The following RANBP3L variants were observed in gnomAD, a reference collection of about 807,000 sequenced individuals.
RANBP3L encodes RAN binding protein 3 like.
Under a neutral mutation model 67.2 loss-of-function variants are expected in RANBP3L, and 56 were observed. The observed-to-expected ratio is 0.83, with a 90% confidence interval of 0.67 to 1.04. RANBP3L has a LOEUF of 1.04. Ranked by LOEUF, RANBP3L falls within the 50% of genes least tolerant of loss-of-function variation. RANBP3L has a pLI of 0.00. For missense variants in RANBP3L, 496 were observed against 535.5 expected (o/e 0.93, Z 0.73); for synonymous variants, 164 against 181.4 (o/e 0.90, Z 0.77).
chr5:36,259,404 A>T lies in RANBP3L; in HGVS notation c.669+1376T>A, dbSNP rs374290948. ...TTGAGGCCAGCCTGGCAACATGGTG[A>T]AACCCCGTCTCTACCAAAAATACAA... is the stretch of plus-strand genomic sequence containing the variant. On this transcript the variant is annotated intron_variant, in intron 8 of 13. Coordinates refer to ENST00000296604, the MANE Select transcript of RANBP3L (RefSeq NM_145000.5). Among the ~76,000 whole-genome samples, 66 of 152,224 alleles carry T rather than the reference A, an allele frequency of 4.3e-4. 1 individual carries two copies. In the East Asian group the frequency reaches 0.013, roughly 29 times the overall value.
chr5:36,271,412 C>G lies in RANBP3L; in HGVS notation c.92-101G>C, dbSNP rs1034035325. The G allele has an allele frequency of 1.2e-5, 9 of 765,102 alleles. 1 individual carries two copies. The highest frequency in any genetic ancestry group is 1.8e-5 in the African/African-American group (1 of 56,520). 47.4% of individuals were successfully genotyped at this position (765,102 alleles called of 1,614,324 possible). A position where few individuals can be genotyped will look rare whatever the true frequency, so the allele number is the denominator to read the frequency against. ...GACTTTTTTTTTTGTTTTTTGTTTT[C>G]TCTGCATTTGGGTAAAAGCCAAGCT... is the stretch of plus-strand genomic sequence containing the variant. On this transcript the variant is annotated intron_variant, in intron 1 of 13. Transcript: ENST00000296604.
intron 8 of RANBP3L, among the ~76,000 whole-genome samples, chr5:36,258,238 A>T (rs1020124809): frequency 6.6e-6 from 1 of 152,208 alleles, no homozygotes; most frequent in South Asian, 2.1e-4. Context: ...GCACAAAAAA[A>T]GACTAATTGA....
At position 36,277,733 on chromosome 5, in the gene RANBP3L, G is replaced by C. The variant is rs74293507; in HGVS notation, c.92-6422C>G. ...TAAAAGTTAGATTCACTTCCCTCCT[G>C]CTCTGCTGTCCTGTGTGATATGCAC... On this transcript the variant is annotated intron_variant, in intron 1 of 13. Coordinates refer to ENST00000296604, the MANE Select transcript of RANBP3L (RefSeq NM_145000.5). 0.012 allele frequency among the ~76,000 whole-genome samples: 1,846 copies of C among 152,122 alleles called. 159 individuals carry two copies. The East Asian group carries it at 0.23, about 19-fold the overall frequency.
Position 36,249,610 on chromosome 5 carries a change from G to A in RANBP3L, c.*44C>T, listed in dbSNP as rs1455607510. ...AGGGTGGTTTAGTATTTTCAGTAGG[G>A]TGACCCCTCTTTTTGTAGATGTCAT... On this transcript the variant is annotated 3_prime_UTR_variant, in exon 14 of 14. Coordinates refer to ENST00000296604, the MANE Select transcript of RANBP3L (RefSeq NM_145000.5). The A allele has an allele frequency of 1.8e-6, 2 of 1,109,172 alleles. No homozygotes were observed. Among genetic ancestry groups the A allele is most frequent in the Non-Finnish European group, 1.3e-6 (1 of 762,156 alleles). The allele number at this position is 1,109,172 out of a possible 1,614,324, so 68.7% of individuals were successfully genotyped here.
chr5:36,279,269 A>G (rs570690976), intron 1 of RANBP3L, among the ~76,000 whole-genome samples: 9 of 152,326 alleles, frequency 5.9e-5, no homozygotes, highest in Admixed American at 5.9e-4. Context: ...ATGTGTGCCA[A>G]TTCACAAAGG....
chr5:36,287,628 T>C (rs1194992010), intron 1 of RANBP3L, among the ~76,000 whole-genome samples: 2 of 152,148 alleles, frequency 1.3e-5, no homozygotes, highest in African/African-American at 2.4e-5. Flanking sequence ...TAAAGGATGT[T>C]CAATAATGAA....
rs1748404924 is a variant in RANBP3L at position 36,248,523 on chromosome 5, A to G, written c.*1131T>C. 6.6e-6 allele frequency: 1 copy of G among 152,192 alleles called. No homozygotes were observed. The allele number at this position is 152,192 out of a possible 1,614,324, so 9.4% of individuals were successfully genotyped here. A position where few individuals can be genotyped will look rare whatever the true frequency, so the allele number is the denominator to read the frequency against. ...AACTTTTGAAAATGTGTGTTTGCAT[A>G]TCCAAATGAATATTGTTCTTCGAAG... On this transcript the variant is annotated 3_prime_UTR_variant, in exon 14 of 14. Transcript: ENST00000296604.
intron 1 of RANBP3L, among the ~76,000 whole-genome samples, chr5:36,291,571 C>T (rs1751774738): frequency 6.6e-6 from 1 of 151,866 alleles, no homozygotes; most frequent in South Asian, 2.1e-4. Context: ...CACAACAGTC[C>T]CCAGAGTGTG....
chr5:36,300,928 A>C (rs1392270221), intron 1 of RANBP3L, among the ~76,000 whole-genome samples: 2 of 152,208 alleles, frequency 1.3e-5, no homozygotes, highest in African/African-American at 4.8e-5. Flanking sequence ...AGACAAACTT[A>C]GGCTTAAACA....
chr5:36,269,473 A>G lies in RANBP3L; in HGVS notation c.191-6T>C. The G allele has an allele frequency of 2.0e-6, 3 of 1,487,330 alleles. No homozygotes were observed. The highest frequency in any genetic ancestry group is 1.9e-6 in the Non-Finnish European group (2 of 1,064,342). The allele number at this position is 1,487,330 out of a possible 1,614,324, so 92.1% of individuals were successfully genotyped here. On this transcript the variant is annotated splice_region_variant and splice_polypyrimidine_tract_variant and intron_variant, in intron 3 of 13. Transcript: ENST00000296604. ...TGTTGGAAAACCATTACATTCTGCA[A>G]GAAAAGCAATGGAAAGGCTAAAATT...
At chr5:36,295,888 A>C (rs1235657457) in intron 1 of RANBP3L, among the ~76,000 whole-genome samples, 1 of 152,130 alleles carries the variant, frequency 6.6e-6, no homozygotes, top group African/African-American at 2.4e-5. Flanking sequence ...GGAAATTTCA[A>C]ACCCACCCCA....
chr5:36,293,951 G>T (rs1423220552), intron 1 of RANBP3L, among the ~76,000 whole-genome samples: 6 of 151,640 alleles, frequency 4.0e-5, no homozygotes, highest in South Asian at 4.2e-4. Context: ...TTTTTCTATT[G>T]ATTGGAATAG....
chr5:36,282,495 A>T (rs1751036890), intron 1 of RANBP3L, among the ~76,000 whole-genome samples: 1 of 152,182 alleles, frequency 6.6e-6, no homozygotes, highest in South Asian at 2.1e-4. Context: ...TTGGTGAAGA[A>T]ACATACTATT....
chr5:36,260,926 G>A, intron 7 of RANBP3L, 62 bp from the exon 8 acceptor site: 1 of 672,146 alleles, frequency 1.5e-6, no homozygotes, highest in Non-Finnish European at 2.6e-6. Flanking sequence ...TTTAAACCTT[G>A]AAATAATCAG....
Position 36,249,676 on chromosome 5 carries a change from CT to C in RANBP3L, c.1375del (p.Arg459AspfsTer13). 3 of 1,558,144 alleles carry C rather than the reference CT, an allele frequency of 1.9e-6. No homozygotes were observed. Among genetic ancestry groups the C allele is most frequent in the Non-Finnish European group, 2.6e-6 (3 of 1,140,202 alleles). ...NGSDPSSWTH[R>X]QSVACS ...TATTCATGAACAGGCAACCGACTGT[CT>C]GTGAGTCCAACTAGAAGGATCTGTG... is the stretch of plus-strand genomic sequence containing the variant. On this transcript the variant is annotated frameshift_variant, in exon 14 of 14. Coordinates refer to ENST00000296604, the MANE Select transcript of RANBP3L (RefSeq NM_145000.5). LOFTEE classifies it high-confidence loss of function.
intron 1 of RANBP3L, among the ~76,000 whole-genome samples, chr5:36,287,469 G>A (rs934846987): frequency 3.9e-5 from 6 of 152,260 alleles, no homozygotes; most frequent in Non-Finnish European, 7.4e-5. Context: ...CTATGTAAAT[G>A]CAAACAAGAT....
At chr5:36,272,661 G>C (rs1202176963) in intron 1 of RANBP3L, among the ~76,000 whole-genome samples, 3 of 152,104 alleles carry the variant, frequency 2.0e-5, no homozygotes, top group Non-Finnish European at 4.4e-5. Context: ...TTGTGAGACA[G>C]AGTCTTGCTC....
chr5:36,295,228 A>G (rs1245199550), intron 1 of RANBP3L, among the ~76,000 whole-genome samples: 1 of 152,002 alleles, frequency 6.6e-6, no homozygotes, highest in Non-Finnish European at 1.5e-5. Context: ...GTCCCCACCC[A>G]TATCTCATCT....
chr5:36,274,390 G>A (rs548260047), intron 1 of RANBP3L, among the ~76,000 whole-genome samples: 70 of 152,220 alleles, frequency 4.6e-4, no homozygotes, highest in Non-Finnish European at 9.6e-4. Context: ...TTTGGGGTCA[G>A]GGTAAGGTTT....
Sources: gnomAD v4.1 joint callset for allele counts (sites outside exome capture counted in the v4.1 genomes callset) on GRCh38, gnomAD v4.1.1 for gene constraint, MANE v1.5 for transcripts, NCBI Gene and HGNC (gene_info 2026-07-23, HGNC 2026-07-21) for gene names.